The following DCHS2 variants were observed in gnomAD, a reference collection of about 807,000 sequenced individuals.
DCHS2 encodes the protein dachsous cadherin-related 2.
In DCHS2, 142 loss-of-function variants were observed where a neutral mutation model predicts 182.4. The ratio of observed to expected loss-of-function variants is 0.78; its 90% confidence interval spans 0.68 to 0.89. The LOEUF (loss-of-function observed/expected upper bound fraction) is 0.89. Among genes scored for constraint, DCHS2 ranks in the 40% least tolerant of loss-of-function variants. The probability of loss-of-function intolerance (pLI) is 0.00; values close to 1 mark genes in which losing one functional copy is unlikely to be tolerated. For missense variants in DCHS2, 4,319 were observed against 4,198.6 expected (o/e 1.03, Z -0.79); for synonymous variants, 1,740 against 1,663.3 (o/e 1.05, Z -1.12).
rs186257271 is a variant in DCHS2, at chr4:154,314,702, T to C, written c.5260+1046A>G. On this transcript the variant is annotated intron_variant, in intron 10 of 19. Transcript: ENST00000357232. Reference sequence around the variant, plus strand: ...ATACTATTTCCATAAAAATATCTATTACAATTCTTGCAAAAATATAACAAA... The same window carrying C: ...ATACTATTTCCATAAAAATATCTATCACAATTCTTGCAAAAATATAACAAA... 9.4e-4 allele frequency among the ~76,000 whole-genome samples: 143 copies of C among 152,302 alleles called. 1 individual carries two copies. The highest frequency in any genetic ancestry group is 1.8e-3 in the Non-Finnish European group (120 of 68,002).
At chr4:154,386,665 C>T (rs566188508) in intron 1 of DCHS2, among the ~76,000 whole-genome samples, 1 of 152,176 alleles carries the variant, frequency 6.6e-6, no homozygotes, top group Non-Finnish European at 1.5e-5. Context: ...TGCTGCATCT[C>T]CAGCAGCCAT....
At chr4:154,297,727 G>C in intron 13 of DCHS2, 124 bp downstream of exon 13, 1 of 1,429,282 alleles carries the variant, frequency 7.0e-7, no homozygotes, top group East Asian at 2.4e-5. Context: ...CCAATATCAA[G>C]AACAGGCATT....
At chr4:154,439,636 T>C (rs767859982) in intron 1 of DCHS2, among the ~76,000 whole-genome samples, 1 of 152,220 alleles carries the variant, frequency 6.6e-6, no homozygotes, top group African/African-American at 2.4e-5. Flanking sequence ...CTGTTATATA[T>C]GCATTCCATA....
chr4:154,469,892 T>G (rs561264984), intron 1 of DCHS2, among the ~76,000 whole-genome samples: 1 of 152,214 alleles, frequency 6.6e-6, no homozygotes. Context: ...CAGCCACTCT[T>G]GAGCCCATCC....
At chr4:154,418,947 A>G (rs1243065987) in intron 1 of DCHS2, among the ~76,000 whole-genome samples, 1 of 152,258 alleles carries the variant, frequency 6.6e-6, no homozygotes, top group Non-Finnish European at 1.5e-5. Context: ...AATGCTGAAC[A>G]TGAATGAATG....
In DCHS2 at chr4:154,249,083, A is replaced by C. The variant is rs374862480; in HGVS notation, c.6942-6311T>G. Reference sequence around the variant, plus strand: ...ATTGTAACAAAAAACAAAAATTGACAGATGGGATCTAATTAAACTAAAGAG... The same window carrying C: ...ATTGTAACAAAAAACAAAAATTGACCGATGGGATCTAATTAAACTAAAGAG... On this transcript the variant is annotated intron_variant, in intron 16 of 19. Coordinates refer to ENST00000357232, the MANE Select transcript of DCHS2 (RefSeq NM_001358235.2). 1.3e-4 allele frequency among the ~76,000 whole-genome samples: 20 copies of C among 152,358 alleles called. No homozygotes were observed. In the East Asian group the frequency reaches 2.3e-3, roughly 18 times the overall value.
At chr4:154,343,363 C>T in intron 3 of DCHS2, 2 of 1,114,040 alleles carry the variant, frequency 1.8e-6, no homozygotes, top group Non-Finnish European at 1.2e-6. Context: ...AGTTCTGAAG[C>T]CAGGCATTGA....
At chr4:154,308,259 A>T (rs565561044) in intron 10 of DCHS2, among the ~76,000 whole-genome samples, 3 of 152,040 alleles carry the variant, frequency 2.0e-5, no homozygotes, top group Non-Finnish European at 4.4e-5. Context: ...AATTTAAAAA[A>T]AAAAAACAAA....
Position 154,234,458 on chromosome 4 carries a change from C to T in DCHS2, c.*78G>A, listed in dbSNP as rs763408465. On this transcript the variant is annotated 3_prime_UTR_variant, in exon 20 of 20. Coordinates refer to ENST00000357232, the MANE Select transcript of DCHS2 (RefSeq NM_001358235.2). ...GCTTTTAGATAAAAATGAGCCCAAT[C>T]TCGAGTTGCTGGCTTGAAAACATTT... is the stretch of plus-strand genomic sequence containing the variant. 4.2e-6 allele frequency: 6 copies of T among 1,433,266 alleles called. No individual in the cohort carries two copies. The highest frequency in any genetic ancestry group is 5.5e-6 in the Non-Finnish European group (6 of 1,089,800). 88.8% of individuals were successfully genotyped at this position (1,433,266 alleles called of 1,614,324 possible). A position where few individuals can be genotyped will look rare whatever the true frequency, so the allele number is the denominator to read the frequency against.
chr4:154,364,660 G>A (rs1383047432), intron 3 of DCHS2, among the ~76,000 whole-genome samples: 5 of 152,174 alleles, frequency 3.3e-5, no homozygotes, highest in Non-Finnish European at 7.3e-5. Flanking sequence ...ACAGTTTCCA[G>A]GCAGAAGCAG....
intron 1 of DCHS2, among the ~76,000 whole-genome samples, chr4:154,387,508 A>T (rs1381122197): frequency 6.6e-6 from 1 of 152,182 alleles, no homozygotes; most frequent in African/African-American, 2.4e-5. Flanking sequence ...AAAAATCAGG[A>T]TTGATATTAA....
chr4:154,384,540 A>T, intron 1 of DCHS2: 1 of 1,541,060 alleles, frequency 6.5e-7, no homozygotes, highest in Non-Finnish European at 8.7e-7. Flanking sequence ...ACCTATGACT[A>T]TTCTCTTATT....
chr4:154,437,001 T>C (rs1483637442), intron 1 of DCHS2, among the ~76,000 whole-genome samples: 2 of 152,330 alleles, frequency 1.3e-5, no homozygotes, highest in East Asian at 3.9e-4. Flanking sequence ...GTGTGGGTAC[T>C]GGAAAATTTT....
chr4:154,450,605 G>A (rs1475222569), intron 1 of DCHS2, among the ~76,000 whole-genome samples: 1 of 152,098 alleles, frequency 6.6e-6, no homozygotes, highest in African/African-American at 2.4e-5. Context: ...GGCCAAGATG[G>A]GTGGATTACC....
intron 12 of DCHS2, among the ~76,000 whole-genome samples, chr4:154,301,395 A>G (rs1735189208): frequency 6.6e-6 from 1 of 152,236 alleles, no homozygotes. Context: ...TTCCATTTTT[A>G]AAAAGGTGAG....
At position 154,234,884 on chromosome 4, in the gene DCHS2, T is replaced by C; in HGVS notation, c.9768A>G (p.Lys3256=). The change falls in exon 20 of 20, where the codon AAA becomes AAG. Residue 3256 remains lysine (K), a synonymous_variant. Coordinates refer to ENST00000357232, the MANE Select transcript of DCHS2 (RefSeq NM_001358235.2). ...PLASVFNDIA[K]LKDEHLHMPG... ...GCATATGCAAATGTTCATCCTTTAG[T>C]TTTGCAATATCATTAAATACTGAGG... 6.2e-7 allele frequency: 1 copy of C among 1,614,054 alleles called. No individual in the cohort carries two copies. The highest frequency in any genetic ancestry group is 2.2e-5 in the East Asian group (1 of 44,852).
At chr4:154,309,026 T>C (rs1735569317) in intron 10 of DCHS2, among the ~76,000 whole-genome samples, 1 of 152,196 alleles carries the variant, frequency 6.6e-6, no homozygotes, top group Non-Finnish European at 1.5e-5. Context: ...CCATATGATG[T>C]GGGCTCTGCA....
intron 1 of DCHS2, among the ~76,000 whole-genome samples, chr4:154,442,989 C>A (rs1222981359): frequency 6.6e-6 from 1 of 152,042 alleles, no homozygotes; most frequent in African/African-American, 2.4e-5. Flanking sequence ...GCACCATCTA[C>A]AAACACCCCA....
At chr4:154,386,305 G>A (rs1043603335) in intron 1 of DCHS2, among the ~76,000 whole-genome samples, 12 of 152,204 alleles carry the variant, frequency 7.9e-5, no homozygotes, top group African/African-American at 2.7e-4. Flanking sequence ...TGGTCTCCTC[G>A]ACAGTCCTGG....
Sources: allele counts gnomAD v4.1 joint callset (sites outside exome capture counted in the v4.1 genomes callset), GRCh38; gene constraint gnomAD v4.1.1; transcripts MANE v1.5; gene names NCBI Gene and HGNC (gene_info 2026-07-23, HGNC 2026-07-21).